SPTY2D1: variants seen among roughly 807,000 people sequenced by gnomAD.
SPTY2D1 encodes protein SPT2 homolog.
SPTY2D1 carries 21 observed loss-of-function variants against 64.0 expected under a neutral mutation model. That is an observed-to-expected ratio of 0.33 (90% CI 0.23 to 0.47). The LOEUF is 0.47. Among genes scored for constraint, SPTY2D1 ranks in the 20% least tolerant of loss-of-function variants. The probability of loss-of-function intolerance (pLI) is 1.00; values close to 1 mark genes in which losing one functional copy is unlikely to be tolerated. For missense variants in SPTY2D1, 724 were observed against 837.2 expected (o/e 0.86, Z 1.67); for synonymous variants, 287 against 286.8 (o/e 1.00, Z -0.01).
intron 1 of SPTY2D1, among the ~76,000 whole-genome samples, chr11:18,631,603 A>C (rs1854589695): frequency 3.6e-5 from 1 of 27,542 alleles, no homozygotes; most frequent in Non-Finnish European, 1.0e-4. Context: ...AATAGATAAC[A>C]AAAAAAAAAA....
chr11:18,620,143 G>C (rs1854369519), intron 1 of SPTY2D1, among the ~76,000 whole-genome samples: 1 of 152,078 alleles, frequency 6.6e-6, no homozygotes. Flanking sequence ...TTGCCTTTGT[G>C]GTATACTACC....
In SPTY2D1 at chr11:18,612,257, G is replaced by A; in HGVS notation, c.1886+57C>T. ...CTATTAGTTTATTACCCCATGACAT[G>A]AATTATTCAAAATAAAAAAAGGATG... is the stretch of plus-strand genomic sequence containing the variant. On this transcript the variant is annotated intron_variant, in intron 4 of 5. Coordinates refer to ENST00000336349, the MANE Select transcript of SPTY2D1 (RefSeq NM_194285.3). This position sits in a 1 kb window ranked among gnomAD's most constrained non-coding sequence, Gnocchi z 4.6. 1 of 1,416,794 alleles carries A rather than the reference G, an allele frequency of 7.1e-7. No individual in the cohort carries two copies. Among genetic ancestry groups the A allele is most frequent in the Non-Finnish European group, 9.6e-7 (1 of 1,046,222 alleles). 87.8% of individuals were successfully genotyped at this position (1,416,794 alleles called of 1,614,324 possible). A position where few individuals can be genotyped will look rare whatever the true frequency, so the allele number is the denominator to read the frequency against.
chr11:18,633,859 T>C (rs1015378372), intron 1 of SPTY2D1, among the ~76,000 whole-genome samples: 2 of 152,216 alleles, frequency 1.3e-5, no homozygotes, highest in Non-Finnish European at 2.9e-5. Context: ...CTGAAGTTTA[T>C]GTGGAAGCCA....
chr11:18,614,756 G>A lies in SPTY2D1; in HGVS notation c.1518C>T (p.Val506=). ...ISGSIPAGRT[V]SNSVPGRPVS... is the part of the protein sequence containing the mutation. ...CTGGTCTTCCTGGGACTGAATTACT[G>A]ACAGTCCGTCCAGCTGGAATTGAGC... The change falls in exon 3 of 6, where the codon GTC becomes GTT. Residue 506 remains valine (V), a synonymous_variant. Transcript: ENST00000336349. The A allele has an allele frequency of 8.7e-6, 14 of 1,613,376 alleles. No homozygotes were observed. Among genetic ancestry groups the A allele is most frequent in the Non-Finnish European group, 1.2e-5 (14 of 1,179,384 alleles).
At chr11:18,620,950 T>C (rs1315620026) in intron 1 of SPTY2D1, among the ~76,000 whole-genome samples, 1 of 151,700 alleles carries the variant, frequency 6.6e-6, no homozygotes, top group East Asian at 1.9e-4. Flanking sequence ...TGTAGAAATA[T>C]TTTAAATGGT....
chr11:18,624,982 G>C lies in SPTY2D1; in HGVS notation c.61-7993C>G, dbSNP rs142461084. On this transcript the variant is annotated intron_variant, in intron 1 of 5. Coordinates refer to ENST00000336349, the MANE Select transcript of SPTY2D1 (RefSeq NM_194285.3). Reference sequence around the variant, plus strand: ...CCATTGCACTCCAGCCTGGGCGACAGAGCGAGACTCCGTCTCAAGAAAAAA... The same window carrying C: ...CCATTGCACTCCAGCCTGGGCGACACAGCGAGACTCCGTCTCAAGAAAAAA... Among the ~76,000 whole-genome samples the C allele has an allele frequency of 9.7e-4, 147 of 152,248 alleles. 3 individuals carry two copies. In the East Asian group the frequency reaches 0.026, roughly 27 times the overall value.
At chr11:18,624,937 T>G (rs969556471) in intron 1 of SPTY2D1, among the ~76,000 whole-genome samples, 1 of 152,114 alleles carries the variant, frequency 6.6e-6, no homozygotes, top group Non-Finnish European at 1.5e-5. Context: ...AGGCAGAGGT[T>G]GTGGTCCGCC....
chr11:18,620,841 C>T (rs7936716), intron 1 of SPTY2D1, among the ~76,000 whole-genome samples: 1,937 of 145,530 alleles, frequency 0.013, 46 homozygotes, highest in African/African-American at 0.046. Context: ...GAGCCGAGAT[C>T]GCGCCACTGC....
intron 1 of SPTY2D1, among the ~76,000 whole-genome samples, 165 bp from the exon 2 acceptor site, chr11:18,617,154 T>C (rs1182588167): frequency 1.3e-5 from 2 of 152,220 alleles, no homozygotes; most frequent in Non-Finnish European, 2.9e-5. Flanking sequence ...CTATAAAATT[T>C]CAGACTATTT....
chr11:18,633,928 G>T (rs1360805912), intron 1 of SPTY2D1, among the ~76,000 whole-genome samples: 1 of 152,158 alleles, frequency 6.6e-6, no homozygotes, highest in Non-Finnish European at 1.5e-5. Flanking sequence ...CGGCTTTCAC[G>T]CAATTCTAGC....
rs1854143473 is a variant in SPTY2D1, at chr11:18,608,499, GTA to G, written c.*1360_*1361del. ...GCTTAAGATAGCCAAAACGTTTATT[GTA>G]GAACGTTTATTATTCCTACAAGCTT... On this transcript the variant is annotated 3_prime_UTR_variant, in exon 6 of 6. Coordinates refer to ENST00000336349, the MANE Select transcript of SPTY2D1 (RefSeq NM_194285.3). 1 of 152,178 alleles carries G rather than the reference GTA, an allele frequency of 6.6e-6. No homozygotes were observed. Among genetic ancestry groups the G allele is most frequent in the African/African-American group, 2.4e-5 (1 of 41,432 alleles). 9.4% of individuals were successfully genotyped at this position (152,178 alleles called of 1,614,324 possible). A position where few individuals can be genotyped will look rare whatever the true frequency, so the allele number is the denominator to read the frequency against.
rs1291894525 is a variant in SPTY2D1, at chr11:18,614,873, C to A, written c.1401G>T (p.Arg467=). The A allele has an allele frequency of 1.2e-6, 2 of 1,613,540 alleles. No individual in the cohort carries two copies. The highest frequency in any genetic ancestry group is 1.7e-6 in the Non-Finnish European group (2 of 1,179,738). ...RPLGSSRGPG[R]PVSSPHELRR... is the part of the protein sequence containing the mutation. ...GAAGTTCATGTGGACTGCTCACAGGCCGGCCAGGGCCACGAGAGCTGCCCA... is the reference window on the plus strand; with the variant it reads ...GAAGTTCATGTGGACTGCTCACAGGACGGCCAGGGCCACGAGAGCTGCCCA... Residue 467 remains arginine, a synonymous_variant, in exon 3 of 6, where the codon CGG becomes CGT. Coordinates refer to ENST00000336349, the MANE Select transcript of SPTY2D1 (RefSeq NM_194285.3).
chr11:18,609,919 A>G lies in SPTY2D1; in HGVS notation c.2000T>C (p.Met667Thr). Residue 667 changes from methionine to threonine, a missense_variant, in exon 6 of 6, where the codon ATG becomes ACG. Physicochemically the swap from Met to Thr is moderately conservative, Grantham distance 81. Around this residue, in one of 3 missense-constraint regions of SPTY2D1, gnomAD observed 119 missense variants for 172.9 expected, o/e 0.69. Coordinates refer to ENST00000336349, the MANE Select transcript of SPTY2D1 (RefSeq NM_194285.3). ...TTGCATTTCTTCTTCTTCACGTCTC[A>G]TTTCCTCTAAGTCCTCTTGCATACC... is the stretch of plus-strand genomic sequence containing the variant. ...RLGMQEDLEEMRREEEEMQRR... is the reference protein window; with the variant it reads ...RLGMQEDLEETRREEEEMQRR... 6.2e-7 allele frequency: 1 copy of G among 1,614,096 alleles called. No individual in the cohort carries two copies. The highest frequency in any genetic ancestry group is 8.5e-7 in the Non-Finnish European group (1 of 1,180,032).
At chr11:18,634,138 C>A in intron 1 of SPTY2D1, 60 bp downstream of exon 1, 1 of 1,595,796 alleles carries the variant, frequency 6.3e-7, no homozygotes, top group Non-Finnish European at 8.6e-7. Flanking sequence ...CCATGGGCCA[C>A]ACACATTCCG....
intron 1 of SPTY2D1, among the ~76,000 whole-genome samples, chr11:18,628,838 AG>A (rs1854540474): frequency 6.6e-6 from 1 of 152,230 alleles, no homozygotes; most frequent in Admixed American, 6.5e-5. Context: ...GTTCTTTAAA[AG>A]AAAATGTAAC....
intron 1 of SPTY2D1, among the ~76,000 whole-genome samples, chr11:18,632,869 C>T (rs1854610628): frequency 6.6e-6 from 1 of 152,128 alleles, no homozygotes; most frequent in Non-Finnish European, 1.5e-5. Flanking sequence ...CTATCTTTGA[C>T]CTTTACTGAA....
intron 1 of SPTY2D1, among the ~76,000 whole-genome samples, chr11:18,625,764 G>C (rs1461389623): frequency 2.0e-5 from 3 of 151,646 alleles, no homozygotes; most frequent in Non-Finnish European, 4.4e-5. Context: ...ATTGGGGGGG[G>C]GGTCTCACTT....
chr11:18,610,661 G>C (rs1407889436), intron 5 of SPTY2D1, among the ~76,000 whole-genome samples: 1 of 108,830 alleles, frequency 9.2e-6, no homozygotes, highest in Non-Finnish European at 1.8e-5. Flanking sequence ...GCAAGACCCT[G>C]TCTCTTAAAA....
rs763808070 is a variant in SPTY2D1, at chr11:18,614,834, A to C, written c.1440T>G (p.Ser480Arg). The change falls in exon 3 of 6, where the codon AGT (serine) becomes AGG (arginine). Residue 480 changes from serine to arginine, a missense_variant. By Grantham distance (110) the Ser-to-Arg change is moderately radical (BLOSUM62 -1). Coordinates refer to ENST00000336349, the MANE Select transcript of SPTY2D1 (RefSeq NM_194285.3). The stretch of plus-strand genomic sequence containing the variant: ...CAGACCGCCCCGGGGGGCCCAAGCC[A>C]CTCACTGGTCGTCGAAGTTCATGTG... The part of the protein sequence containing the change: ...SSPHELRRPV[S>R]GLGPPGRSVS... 1.9e-6 allele frequency: 3 copies of C among 1,613,592 alleles called. No individual in the cohort carries two copies. In the African/African-American group the frequency reaches 4.0e-5, roughly 22 times the overall value.
Sources: allele counts gnomAD v4.1 joint callset (sites outside exome capture counted in the v4.1 genomes callset), GRCh38; gene constraint gnomAD v4.1.1; regional missense constraint gnomAD v4.1.1; non-coding constraint Gnocchi (gnomAD v3.1); transcripts MANE v1.5; gene names NCBI Gene and HGNC (gene_info 2026-07-23, HGNC 2026-07-21).